The following ANKLE1 variants were observed in gnomAD, a reference collection of about 807,000 sequenced individuals.
ANKLE1 encodes the protein ankyrin repeat and LEM domain containing 1.
In ANKLE1, 59 loss-of-function variants were observed where a neutral mutation model predicts 56.2. The ratio of observed to expected loss-of-function variants is 1.05; its 90% CI spans 0.85 to 1.30. The LOEUF (loss-of-function observed/expected upper bound fraction) is 1.30, where lower values mean the gene tolerates loss of function less well. Among genes scored for constraint, ANKLE1 ranks in the 50% most tolerant of loss-of-function variants. The pLI is 0.00. For missense variants in ANKLE1, 771 were observed against 816.1 expected (o/e 0.94, Z 0.67); for synonymous variants, 341 against 352.9 (o/e 0.97, Z 0.38).
chr19:17,282,108 G>C lies in ANKLE1; in HGVS notation c.114G>C (p.Glu38Asp), dbSNP rs1163752508. ...RCGADPNLVL[E>D]DGAAAVHLAA... is the part of the protein sequence containing the mutation. ...GCGCGGACCCTAATTTGGTGCTAGA[G>C]GACGGCGCAGCGGCTGTGCACTTGG... Residue 38 changes from glutamate (E) to aspartate (D), a missense_variant, in exon 2 of 9, where the codon GAG (glutamate) becomes GAC (aspartate). By Grantham distance (45) the Glu-to-Asp change is conservative. Coordinates refer to ENST00000404085, the MANE Select transcript of ANKLE1 (RefSeq NM_152363.6). 2.6e-6 allele frequency: 4 copies of C among 1,541,536 alleles called. No homozygotes were observed. The highest frequency in any genetic ancestry group is 3.5e-6 in the Non-Finnish European group (4 of 1,146,660).
chr19:17,286,457 C>T lies in ANKLE1; in HGVS notation c.1753C>T (p.Arg585Cys), dbSNP rs774145775. Residue 585 changes from arginine (R) to cysteine (C), a missense_variant, in exon 9 of 9, where the codon CGC (arginine) becomes TGC (cysteine). By Grantham distance (180) the Arg-to-Cys change is radical. Coordinates refer to ENST00000404085, the MANE Select transcript of ANKLE1 (RefSeq NM_152363.6). ...AGGCTGGCCACCTGCTCGTCGCCGG[C>T]GCTTGGGGGTGCACCTGCTGCACCG... ...VAGWPPARRRRLGVHLLHRAL... is the reference protein window; with the variant it reads ...VAGWPPARRRCLGVHLLHRAL... The T allele has an allele frequency of 1.4e-5, 23 of 1,612,006 alleles. No homozygotes were observed. The highest frequency in any genetic ancestry group is 6.7e-5 in the East Asian group (3 of 44,882).
chr19:17,282,760 A>T lies in ANKLE1; in HGVS notation c.320A>T (p.Gln107Leu). 1 of 1,550,256 alleles carries T rather than the reference A, an allele frequency of 6.5e-7. No individual in the cohort carries two copies. The highest frequency in any genetic ancestry group is 8.7e-7 in the Non-Finnish European group (1 of 1,155,042). ...SQGADPALRD[Q>L]DGLRPLDLAL... ...GGAGCGGACCCGGCGCTGCGCGACC[A>T]GGTTGGGAGGCACTGCGCGGGCAAA... Residue 107 changes from glutamine (Q) to leucine (L), a missense_variant and splice_region_variant, in exon 3 of 9, where the codon CAG (glutamine) becomes CTG (leucine). Coordinates refer to ENST00000404085, the MANE Select transcript of ANKLE1 (RefSeq NM_152363.6).
chr19:17,287,039 A>G lies in ANKLE1; in HGVS notation c.*487A>G, dbSNP rs1483572349. 1 of 161,384 alleles carries G rather than the reference A, an allele frequency of 6.2e-6. No individual in the cohort carries two copies. Among genetic ancestry groups the G allele is most frequent in the Admixed American group, 6.5e-5 (1 of 15,320 alleles). The allele number at this position is 161,384 out of a possible 1,614,324, so 10.0% of individuals were successfully genotyped here. A position where few individuals can be genotyped will look rare whatever the true frequency, so the allele number is the denominator to read the frequency against. ...CCTGCTGATAAAACAGGTTGCAGTA[A>G]AGAAGCCGGCCAAAACCCACCAATA... On this transcript the variant is annotated 3_prime_UTR_variant, in exon 9 of 9. Transcript: ENST00000404085.
intron 2 of ANKLE1, 59 bp from the exon 3 acceptor site, chr19:17,282,597 A>T (rs1237613097): frequency 2.0e-6 from 3 of 1,466,396 alleles, no homozygotes; most frequent in Admixed American, 3.9e-5. Context: ...CAGAGCGGAG[A>T]TCGGGGTTCC....
chr19:17,285,318 TC>T, intron 6 of ANKLE1, 112 bp from the exon 7 acceptor site: 2 of 1,280,678 alleles, frequency 1.6e-6, no homozygotes, highest in African/African-American at 3.0e-5. Flanking sequence ...CTCTCTCTGA[TC>T]CTGTAATCAG....
In ANKLE1 at chr19:17,286,680, GTGTGTGTGTGTT is replaced by G. The variant is rs563327402; in HGVS notation, c.*140_*151del. On this transcript the variant is annotated 3_prime_UTR_variant, in exon 9 of 9. Coordinates refer to ENST00000404085, the MANE Select transcript of ANKLE1 (RefSeq NM_152363.6). Reference sequence around the variant, plus strand: ...TGTGTGTGTGTGTGTGTGTGTGTGTGTGTGTGTGTGTTTGTGTGTGTGTGTGTGTGTGTAGGG... The same window carrying G: ...TGTGTGTGTGTGTGTGTGTGTGTGTGTGTGTGTGTGTGTGTGTGTGTAGGG... 3.0e-3 allele frequency: 3,204 copies of G among 1,050,620 alleles called. 3 individuals are homozygous for G. The highest frequency in any genetic ancestry group is 0.012 in the East Asian group (441 of 36,152). 65.1% of individuals were successfully genotyped at this position (1,050,620 alleles called of 1,614,324 possible).
At position 17,283,194 on chromosome 19, in the gene ANKLE1, TCTCCTCTCTGGCC is replaced by T; in HGVS notation, c.461-29_461-17del. ...CTCATCGCTGTCTCATCCCTCCTCC[TCTCCTCTCTGGCC>T]CCCACTCTCACCTGCAGCCCCAGGC... On this transcript the variant is annotated intron_variant, in intron 4 of 8. Coordinates refer to ENST00000404085, the MANE Select transcript of ANKLE1 (RefSeq NM_152363.6). 1 of 1,585,054 alleles carries T rather than the reference TCTCCTCTCTGGCC, an allele frequency of 6.3e-7. No homozygotes were observed. Among genetic ancestry groups the T allele is most frequent in the Non-Finnish European group, 8.6e-7 (1 of 1,163,558 alleles).
At position 17,282,667 on chromosome 19, in the gene ANKLE1, C is replaced by T. The variant is rs767269720; in HGVS notation, c.227C>T (p.Ala76Val). Reference protein sequence around the residue: ...GGDPNARSVEALTPLHVAAAW... With the variant: ...GGDPNARSVEVLTPLHVAAAW... ...CGCTGCCGCCCCAGATCTGTCGAGGCACTGACGCCGCTGCATGTGGCCGCC... is the reference window on the plus strand; with the variant it reads ...CGCTGCCGCCCCAGATCTGTCGAGGTACTGACGCCGCTGCATGTGGCCGCC... The change falls in exon 3 of 9, where the codon GCA (alanine) becomes GTA (valine). Residue 76 changes from alanine to valine, a missense_variant. Ala to Val is a moderately conservative substitution (Grantham distance 64). Coordinates refer to ENST00000404085, the MANE Select transcript of ANKLE1 (RefSeq NM_152363.6). 2 of 1,534,446 alleles carry T rather than the reference C, an allele frequency of 1.3e-6. No homozygotes were observed. The highest frequency in any genetic ancestry group is 1.2e-5 in the South Asian group (1 of 83,968).
At position 17,282,700 on chromosome 19, in the gene ANKLE1, G is replaced by T. The variant is rs749176751; in HGVS notation, c.260G>T (p.Gly87Val). The part of the protein sequence containing the change: ...LTPLHVAAAW[G>V]CRRGLELLLS... Reference sequence around the variant, plus strand: ...CCGCTGCATGTGGCCGCCGCGTGGGGCTGCCGCCGCGGCCTGGAGCTGCTG... The same window carrying T: ...CCGCTGCATGTGGCCGCCGCGTGGGTCTGCCGCCGCGGCCTGGAGCTGCTG... The change falls in exon 3 of 9, where the codon GGC becomes GTC. Residue 87 changes from glycine to valine, a missense_variant. Coordinates refer to ENST00000404085, the MANE Select transcript of ANKLE1 (RefSeq NM_152363.6). The T allele has an allele frequency of 1.6e-5, 25 of 1,536,454 alleles. No homozygotes were observed. The highest frequency in any genetic ancestry group is 2.1e-5 in the Non-Finnish European group (24 of 1,147,478).
intron 1 of ANKLE1, 34 bp downstream of exon 1, chr19:17,282,016 G>A (rs1337511137): frequency 1.3e-6 from 2 of 1,536,276 alleles, no homozygotes; most frequent in Admixed American, 2.0e-5. Context: ...CCAGGAGTGG[G>A]GGTCTTTGGC....
chr19:17,282,030 G>A (rs973420826), intron 1 of ANKLE1, 27 bp from the exon 2 acceptor site: 2 of 1,536,848 alleles, frequency 1.3e-6, no homozygotes, highest in African/African-American at 1.4e-5. Flanking sequence ...CTTTGGCCGG[G>A]GTCCACTCTG....
chr19:17,282,904 A>G lies in ANKLE1; in HGVS notation c.362A>G (p.His121Arg). 6.3e-7 allele frequency: 1 copy of G among 1,576,782 alleles called. No individual in the cohort carries two copies. Among genetic ancestry groups the G allele is most frequent in the African/African-American group, 1.3e-5 (1 of 74,588 alleles). Residue 121 changes from histidine (H) to arginine (R), a missense_variant, in exon 4 of 9, where the codon CAC becomes CGC. Coordinates refer to ENST00000404085, the MANE Select transcript of ANKLE1 (RefSeq NM_152363.6). ...RPLDLALQQG[H>R]LECARVLQDL... The stretch of plus-strand genomic sequence containing the variant: ...CTGGACCTGGCCCTGCAGCAGGGAC[A>G]CCTGGAGTGCGCGCGAGTCCTGCAG...
rs1418677358 is a variant in ANKLE1, at chr19:17,283,286, A to G, written c.522A>G (p.Pro174=). 1.2e-6 allele frequency: 2 copies of G among 1,613,564 alleles called. No individual in the cohort carries two copies. Among genetic ancestry groups the G allele is most frequent in the Non-Finnish European group, 1.7e-6 (2 of 1,179,876 alleles). The change falls in exon 5 of 9, where the codon CCA becomes CCG. Residue 174 remains proline, a synonymous_variant. Transcript: ENST00000404085. The stretch of plus-strand genomic sequence containing the variant: ...ACTCCATAGCACTCCAAAAGCAGCC[A>G]TGCAGAGGTGACAACAGGGACATTG... ...TLDSIALQKQ[P]CRGDNRDIGL... is the part of the protein sequence containing the mutation.
chr19:17,285,461 C>T lies in ANKLE1; in HGVS notation c.1407C>T (p.Phe469=), dbSNP rs2074020459. 6.2e-7 allele frequency: 1 copy of T among 1,613,762 alleles called. No homozygotes were observed. The highest frequency in any genetic ancestry group is 8.5e-7 in the Non-Finnish European group (1 of 1,179,898). The stretch of plus-strand genomic sequence containing the variant: ...CTCAGGACCTGCCAGCCCGAGCCTT[C>T]TCACTGACCCCAGCTGAGCGCCTTC... The part of the protein sequence containing the change: ...RETQDLPARA[F]SLTPAERLQT... The change falls in exon 7 of 9, where the codon TTC becomes TTT. Residue 469 remains phenylalanine, a synonymous_variant. Transcript: ENST00000404085.
At position 17,282,662 on chromosome 19, in the gene ANKLE1, C is replaced by G. The variant is rs559412233; in HGVS notation, c.222C>G (p.Val74=). 53 of 1,534,320 alleles carry G rather than the reference C, an allele frequency of 3.5e-5. No homozygotes were observed. The African/African-American group carries it at 6.6e-4, about 19-fold the overall frequency. ...TCTTGCGCTGCCGCCCCAGATCTGT[C>G]GAGGCACTGACGCCGCTGCATGTGG... The part of the protein sequence containing the change: ...RQGGDPNARS[V]EALTPLHVAA... The change falls in exon 3 of 9, where the codon GTC becomes GTG. Residue 74 remains valine, a synonymous_variant. Transcript: ENST00000404085.
In ANKLE1 at chr19:17,284,140, G is replaced by A; in HGVS notation, c.1250G>A (p.Gly417Asp). Residue 417 changes from glycine to aspartate, a missense_variant, in exon 6 of 9, where the codon GGC (glycine) becomes GAC (aspartate). By Grantham distance (94) the Gly-to-Asp change is moderately conservative (BLOSUM62 -1). Transcript: ENST00000404085. Reference protein sequence around the residue: ...SLELAAALRTGCIPDVQADED... With the variant: ...SLELAAALRTDCIPDVQADED... ...GAACTGGCTGCAGCCCTGCGGACGGGCTGTATTCCAGATGTCCAGGCAGAT... is the reference window on the plus strand; with the variant it reads ...GAACTGGCTGCAGCCCTGCGGACGGACTGTATTCCAGATGTCCAGGCAGAT... 2 of 1,613,952 alleles carry A rather than the reference G, an allele frequency of 1.2e-6. No homozygotes were observed. Among genetic ancestry groups the A allele is most frequent in the Non-Finnish European group, 1.7e-6 (2 of 1,179,896 alleles).
intron 6 of ANKLE1, 30 bp downstream of exon 6, chr19:17,284,296 G>T (rs1235489619): frequency 6.3e-7 from 1 of 1,598,768 alleles, no homozygotes; most frequent in South Asian, 1.1e-5. Flanking sequence ...CCCAGAAATA[G>T]AAACTAGAAA....
rs182162701 is a variant in ANKLE1, at chr19:17,285,573, G to C, written c.1519G>C (p.Gly507Arg). The C allele has an allele frequency of 3.4e-4, 555 of 1,613,920 alleles. 2 individuals are homozygous for C. In the Middle Eastern group the frequency reaches 3.8e-3, roughly 11 times the overall value. Residue 507 changes from glycine (G) to arginine (R), a missense_variant, in exon 7 of 9, where the codon GGG (glycine) becomes CGG (arginine). By Grantham distance (125) the Gly-to-Arg change is moderately radical. Coordinates refer to ENST00000404085, the MANE Select transcript of ANKLE1 (RefSeq NM_152363.6). ...VHLWEALGHH[G>R]RSRKQPHQAC... ...CCTCTGGGAGGCCCTTGGTCACCAT[G>C]GGCGGTCAAGAAAACAGGTGTGAGG...
chr19:17,285,915 C>T (rs570245391), intron 8 of ANKLE1, 96 bp downstream of exon 8: 1 of 1,507,348 alleles, frequency 6.6e-7, no homozygotes, highest in Non-Finnish European at 8.9e-7. Flanking sequence ...CATTTGTTGA[C>T]TGAGCAATTA....
Sources: allele counts gnomAD v4.1 joint callset, GRCh38; gene constraint gnomAD v4.1.1; transcripts MANE v1.5; gene names NCBI Gene and HGNC (gene_info 2026-07-23, HGNC 2026-07-21).